SEMA4F: variants seen among roughly 807,000 people sequenced by gnomAD.
SEMA4F encodes the protein ssemaphorin 4F.
SEMA4F carries 51 observed loss-of-function variants against 78.4 expected under a neutral mutation model. The observed-to-expected ratio is 0.65, with a 90% CI of 0.52 to 0.82. The LOEUF (loss-of-function observed/expected upper bound fraction) is 0.82, where lower values mean the gene tolerates loss of function less well. SEMA4F is among the 40% of genes least tolerant of loss of function. The pLI, the probability that SEMA4F is intolerant of heterozygous loss-of-function variation, is 0.00. For missense variants in SEMA4F, 938 were observed against 1,014.4 expected, an observed-to-expected ratio of 0.92 and a Z score of 1.02; for synonymous variants, 418 against 408.7, an observed-to-expected ratio of 1.02 and a Z score of -0.27.
At chr2:74,691,309 A>G in the SEMA4F span, among the ~76,000 whole-genome samples, 5,030 of 152,336 alleles carry the variant, frequency 0.033, 133 homozygotes, top group Non-Finnish European at 0.052. Context: ...TACTGTGATT[A>G]TGCAAAAGCT....
intron 5 of SEMA4F, among the ~76,000 whole-genome samples, chr2:74,664,722 G>A (rs1004904320): frequency 6.6e-6 from 1 of 152,178 alleles, no homozygotes; most frequent in African/African-American, 2.4e-5. Context: ...TATTAGTGAA[G>A]TTGAATGTTC....
intron 4 of SEMA4F, among the ~76,000 whole-genome samples, chr2:74,661,343 C>T (rs1269636644): frequency 3.3e-5 from 5 of 152,136 alleles, no homozygotes; most frequent in Non-Finnish European, 7.3e-5. Flanking sequence ...TTCTCATTCT[C>T]TTGCACAAAA....
At chr2:74,670,525 C>T in intron 5 of SEMA4F, among the ~76,000 whole-genome samples, 1 of 152,226 alleles carries the variant, frequency 6.6e-6, no homozygotes, top group East Asian at 1.9e-4. Context: ...TTTGTGACCT[C>T]TATCTACTGC....
chr2:74,680,254 A>G lies in SEMA4F; in HGVS notation c.*45A>G. 6.6e-7 allele frequency: 1 copy of G among 1,516,364 alleles called. No individual in the cohort carries two copies. The highest frequency in any genetic ancestry group is 1.3e-5 in the South Asian group (1 of 75,842). The allele number at this position is 1,516,364 out of a possible 1,614,324, so 93.9% of individuals were successfully genotyped here. On this transcript the variant is annotated 3_prime_UTR_variant, in exon 14 of 14. Transcript: ENST00000357877. ...AGTGTATAAGTGATCACTGGAACGG[A>G]GTGACCACTGAGATGCTGGGGGTCA... is the stretch of plus-strand genomic sequence containing the variant.
chr2:74,692,984 TAAATAA>T, the SEMA4F span, among the ~76,000 whole-genome samples: 1 of 152,204 alleles, frequency 6.6e-6, no homozygotes, highest in South Asian at 2.1e-4. Context: ...TGCTGAAAAG[TAAATAA>T]AAATAAGAAT....
intron 5 of SEMA4F, among the ~76,000 whole-genome samples, chr2:74,665,805 CTT>C (rs1684662216): frequency 6.6e-6 from 1 of 151,382 alleles, no homozygotes; most frequent in Non-Finnish European, 1.5e-5. Context: ...TGTGATATCT[CTT>C]GAGTCTATAA....
chr2:74,696,991 A>C, the SEMA4F span, among the ~76,000 whole-genome samples: 2 of 152,236 alleles, frequency 1.3e-5, no homozygotes, highest in Non-Finnish European at 2.9e-5. Flanking sequence ...ATAAGAATGT[A>C]TATCTGTGGA....
chr2:74,696,135 T>TA, the SEMA4F span, among the ~76,000 whole-genome samples: 1 of 151,766 alleles, frequency 6.6e-6, no homozygotes, highest in African/African-American at 2.4e-5. Flanking sequence ...TATTCATGAT[T>TA]AAAAATATAT....
chr2:74,686,070 G>A (rs1467666901), downstream of SEMA4F, among the ~76,000 whole-genome samples: 1 of 151,962 alleles, frequency 6.6e-6, no homozygotes, highest in Non-Finnish European at 1.5e-5. Context: ...ACAGATGCTG[G>A]AGAGGATGTG....
chr2:74,665,976 C>T (rs558486755), intron 5 of SEMA4F, among the ~76,000 whole-genome samples: 16 of 151,582 alleles, frequency 1.1e-4, no homozygotes, highest in Admixed American at 5.9e-4. Context: ...GGCGCCATCT[C>T]GGCTCACTGC....
the SEMA4F span, among the ~76,000 whole-genome samples, chr2:74,691,840 A>C: frequency 6.6e-6 from 1 of 152,208 alleles, no homozygotes; most frequent in Admixed American, 6.5e-5. Context: ...TGATTATGCC[A>C]ATATTTTTCA....
chr2:74,690,236 G>C, the SEMA4F span, among the ~76,000 whole-genome samples: 1 of 152,164 alleles, frequency 6.6e-6, no homozygotes, highest in African/African-American at 2.4e-5. Context: ...ATGACAACCA[G>C]TACTATCTTA....
At chr2:74,662,011 G>T (rs190068880) in intron 4 of SEMA4F, among the ~76,000 whole-genome samples, 1 of 152,292 alleles carries the variant, frequency 6.6e-6, no homozygotes, top group East Asian at 1.9e-4. Flanking sequence ...CTAGACTAAG[G>T]TAACTTCTGG....
At chr2:74,659,279 A>G (rs2104923022) in intron 4 of SEMA4F, among the ~76,000 whole-genome samples, 1 of 152,282 alleles carries the variant, frequency 6.6e-6, no homozygotes. Context: ...TGGGGATCCC[A>G]TGGGTATGAA....
intron 8 of SEMA4F, 39 bp from the exon 9 acceptor site, chr2:74,674,849 G>A: frequency 6.2e-7 from 1 of 1,607,884 alleles, no homozygotes; most frequent in South Asian, 1.1e-5. Context: ...CTATCCCCCA[G>A]ACCCCTCCAT....
At chr2:74,698,446 T>C in the SEMA4F span, among the ~76,000 whole-genome samples, 1 of 152,206 alleles carries the variant, frequency 6.6e-6, no homozygotes, top group Admixed American at 6.5e-5. Flanking sequence ...AAGTGGGAGC[T>C]ATCCTTTTCC....
At chr2:74,684,565 A>G (rs1238943072), downstream of SEMA4F, among the ~76,000 whole-genome samples, 1 of 152,154 alleles carries the variant, frequency 6.6e-6, no homozygotes, top group Non-Finnish European at 1.5e-5. Flanking sequence ...GCATGATCAC[A>G]TTTCAATGAT....
chr2:74,669,615 CAAA>C (rs1377594595), intron 5 of SEMA4F, among the ~76,000 whole-genome samples: 22 of 151,788 alleles, frequency 1.4e-4, no homozygotes, highest in South Asian at 6.2e-4. Flanking sequence ...ACAACAACAA[CAAA>C]AACAAAAGGT....
chr2:74,673,320 G>A (rs541770884), intron 5 of SEMA4F, 137 bp from the exon 6 acceptor site: 12 of 1,027,420 alleles, frequency 1.2e-5, no homozygotes, highest in Non-Finnish European at 1.7e-5. Flanking sequence ...CCTGTGATGT[G>A]CTCAGCAGAG....
Sources: gnomAD v4.1 joint callset for allele counts (sites outside exome capture counted in the v4.1 genomes callset) on GRCh38, gnomAD v4.1.1 for gene constraint, MANE v1.5 for transcripts, NCBI Gene and HGNC (gene_info 2026-07-23, HGNC 2026-07-21) for gene names.